The following THSD4 variants were observed in gnomAD, a reference collection of about 807,000 sequenced individuals.
THSD4 encodes the protein thrombospondin type-1 domain-containing protein 4.
In THSD4, 69 loss-of-function variants were observed where a neutral mutation model predicts 119.0. That is an observed-to-expected ratio of 0.58 (90% CI 0.48 to 0.71). The LOEUF (loss-of-function observed/expected upper bound fraction) is 0.71. Ranked by LOEUF, THSD4 falls within the 30% of genes least tolerant of loss-of-function variation. The pLI, the probability that THSD4 is intolerant of heterozygous loss-of-function variation, is 0.00. For synonymous variants in THSD4, 524 were observed against 540.4 expected (o/e 0.97, Z 0.42); for missense variants, 1,393 against 1,391.1 (o/e 1.00, Z -0.02).
chr15:71,452,302 C>T (rs965083552), intron 7 of THSD4, among the ~76,000 whole-genome samples: 1 of 152,056 alleles, frequency 6.6e-6, no homozygotes, highest in Non-Finnish European at 1.5e-5. Flanking sequence ...GGAAGGAGGA[C>T]CCAAGTCCCT....
At chr15:71,704,810 G>T (rs570528894) in intron 8 of THSD4, among the ~76,000 whole-genome samples, 2 of 152,232 alleles carry the variant, frequency 1.3e-5, no homozygotes, top group Admixed American at 6.5e-5. Context: ...CAGCAAGTGT[G>T]TTGCAGCCTA....
chr15:71,617,689 G>A (rs896152007), intron 7 of THSD4, among the ~76,000 whole-genome samples: 1 of 152,174 alleles, frequency 6.6e-6, no homozygotes, highest in Non-Finnish European at 1.5e-5. Context: ...TGGGCCCTAG[G>A]GGCCTGGAAC....
intron 6 of THSD4, among the ~76,000 whole-genome samples, chr15:71,396,896 A>G (rs113831021): frequency 1.3e-5 from 2 of 152,184 alleles, no homozygotes; most frequent in African/African-American, 4.8e-5. Context: ...ATTTCAGAAA[A>G]AGGTTGGGTA....
intron 7 of THSD4, among the ~76,000 whole-genome samples, chr15:71,447,776 G>T (rs958670923): frequency 1.3e-5 from 2 of 152,158 alleles, no homozygotes; most frequent in Admixed American, 6.5e-5. Flanking sequence ...AACTCCAGAG[G>T]AAGAGGTCCT....
chr15:71,448,494 C>T (rs879336614), intron 7 of THSD4, among the ~76,000 whole-genome samples: 5 of 152,222 alleles, frequency 3.3e-5, no homozygotes, highest in East Asian at 3.9e-4. Context: ...ACCGTATTTG[C>T]GTGGTTTGCT....
chr15:71,111,478 T>A, upstream of THSD4: 77 of 1,281,944 alleles, frequency 6.0e-5, no homozygotes, highest in Non-Finnish European at 7.6e-5. Context: ...GGGGAGGGAA[T>A]CTACCCTGAG....
In THSD4 at chr15:71,777,380, C is replaced by A. The variant is rs1344655035; in HGVS notation, c.*6C>A. 1.2e-6 allele frequency: 2 copies of A among 1,612,498 alleles called. No homozygotes were observed. The stretch of plus-strand genomic sequence containing the variant: ...GCTTCCTGGGGAGCAGATAACACTC[C>A]TGCACCCCCATCAGTAGGGCAGCAT... On this transcript the variant is annotated 3_prime_UTR_variant, in exon 18 of 18. Coordinates refer to ENST00000261862, the MANE Select transcript of THSD4 (RefSeq NM_024817.3).
intron 4 of THSD4, among the ~76,000 whole-genome samples, chr15:71,231,016 A>G (rs564251679): frequency 6.6e-6 from 1 of 152,036 alleles, no homozygotes; most frequent in African/African-American, 2.4e-5. Flanking sequence ...GTGGCACTCA[A>G]ATGGGTTCCT....
chr15:71,463,156 G>A (rs763422734), intron 7 of THSD4, among the ~76,000 whole-genome samples: 1 of 152,002 alleles, frequency 6.6e-6, no homozygotes, highest in Non-Finnish European at 1.5e-5. Context: ...ATTCCTTCTC[G>A]CTGGTCCAGC....
At chr15:71,444,777 A>G (rs2047156419) in intron 7 of THSD4, among the ~76,000 whole-genome samples, 1 of 152,264 alleles carries the variant, frequency 6.6e-6, no homozygotes, top group South Asian at 2.1e-4. Flanking sequence ...TTCATTTCAC[A>G]TCATCTTCTT....
chr15:71,674,271 C>T (rs1473919107), intron 8 of THSD4, among the ~76,000 whole-genome samples: 1 of 152,152 alleles, frequency 6.6e-6, no homozygotes, highest in Non-Finnish European at 1.5e-5. Context: ...CCAGCTCTGC[C>T]CATTGAAATT....
At chr15:71,327,253 C>T (rs897957477) in intron 6 of THSD4, among the ~76,000 whole-genome samples, 10 of 152,116 alleles carry the variant, frequency 6.6e-5, no homozygotes, top group African/African-American at 2.4e-4. Flanking sequence ...GGCCTTTTCT[C>T]CCCTGTGAAA....
At chr15:71,520,316 A>C (rs2140783076) in intron 7 of THSD4, among the ~76,000 whole-genome samples, 2 of 152,266 alleles carry the variant, frequency 1.3e-5, no homozygotes, top group South Asian at 4.2e-4. Flanking sequence ...ATGGAGGTAA[A>C]GCTTGCTCCA....
chr15:71,181,270 A>G (rs541494380), intron 3 of THSD4, among the ~76,000 whole-genome samples: 2 of 152,344 alleles, frequency 1.3e-5, no homozygotes, highest in African/African-American at 4.8e-5. Flanking sequence ...AACTGGAGTA[A>G]AGAGACCTTA....
intron 7 of THSD4, among the ~76,000 whole-genome samples, chr15:71,636,836 A>G (rs2050754407): frequency 6.6e-6 from 1 of 152,000 alleles, no homozygotes; most frequent in African/African-American, 2.4e-5. Flanking sequence ...GGCATGTGAG[A>G]AATCTACAGG....
intron 9 of THSD4, 142 bp from the exon 10 acceptor site, chr15:71,730,979 G>A (rs1365452121): frequency 2.9e-6 from 2 of 694,106 alleles, no homozygotes. Flanking sequence ...TGTTTAATCT[G>A]CCACAGGTTC....
intron 7 of THSD4, among the ~76,000 whole-genome samples, chr15:71,481,561 CCTT>C (rs2047729957): frequency 6.6e-6 from 1 of 152,260 alleles, no homozygotes; most frequent in South Asian, 2.1e-4. Context: ...GAAGAGAAGA[CCTT>C]CTTTCTCAAC....
intron 11 of THSD4, among the ~76,000 whole-genome samples, chr15:71,744,078 A>T (rs1465148436): frequency 6.6e-6 from 1 of 151,544 alleles, no homozygotes; most frequent in East Asian, 1.9e-4. Context: ...CACGTTATAA[A>T]CGTCCATTAA....
intron 7 of THSD4, among the ~76,000 whole-genome samples, chr15:71,522,379 G>A (rs2048454966): frequency 6.6e-6 from 1 of 152,062 alleles, no homozygotes; most frequent in Non-Finnish European, 1.5e-5. Context: ...ACTGTCCTTT[G>A]GGCTGCCTCC....
Sources: allele counts gnomAD v4.1 joint callset (sites outside exome capture counted in the v4.1 genomes callset), GRCh38; gene constraint gnomAD v4.1.1; transcripts MANE v1.5; gene names NCBI Gene and HGNC (gene_info 2026-07-23, HGNC 2026-07-21).